RAB3C: variants seen among roughly 807,000 people sequenced by gnomAD.
RAB3C encodes the protein ras-related protein Rab-3C.
A neutral mutation model predicts 26.4 loss-of-function variants in RAB3C; 17 were observed. The ratio of observed to expected loss-of-function variants is 0.64; its 90% CI spans 0.44 to 0.97. The LOEUF is 0.97. RAB3C is among the 50% of genes least tolerant of loss of function. The probability of loss-of-function intolerance (pLI) is 0.00; values close to 1 mark genes in which losing one functional copy is unlikely to be tolerated. For synonymous variants in RAB3C, 91 were observed against 95.9 expected, an observed-to-expected ratio of 0.95 and a Z score of 0.30; for missense variants, 242 against 281.9, an observed-to-expected ratio of 0.86 and a Z score of 1.01.
chr5:58,700,970 T>TTTTATTTATTTA (rs150630099), intron 2 of RAB3C, among the ~76,000 whole-genome samples: 7 of 148,380 alleles, frequency 4.7e-5, no homozygotes, highest in African/African-American at 1.8e-4. Context: ...CTTAAAAATC[T>TTTTATTTATTTA]TTTATTTATT....
chr5:58,763,371 A>C (rs1741835774), intron 3 of RAB3C, among the ~76,000 whole-genome samples: 1 of 152,202 alleles, frequency 6.6e-6, no homozygotes, highest in African/African-American at 2.4e-5. Flanking sequence ...GTGGTATTAC[A>C]TGTTCTCTAA....
chr5:58,746,590 A>T (rs1338834457), intron 3 of RAB3C, among the ~76,000 whole-genome samples: 1 of 152,170 alleles, frequency 6.6e-6, no homozygotes, highest in African/African-American at 2.4e-5. Context: ...ATTCGGCTCC[A>T]TCTTGCATAA....
intron 2 of RAB3C, among the ~76,000 whole-genome samples, chr5:58,644,038 C>G (rs147025070): frequency 1.4e-3 from 211 of 152,202 alleles, no homozygotes; most frequent in African/African-American, 4.9e-3. Flanking sequence ...TCAGGGTGGT[C>G]TCGAACTCCT....
chr5:58,773,514 G>A (rs967650738), intron 3 of RAB3C, among the ~76,000 whole-genome samples: 10 of 152,136 alleles, frequency 6.6e-5, no homozygotes, highest in Non-Finnish European at 1.2e-4. Context: ...TGTTTGTGTG[G>A]AAAGTAGGTG....
At chr5:58,692,413 T>C (rs546875555) in intron 2 of RAB3C, among the ~76,000 whole-genome samples, 2 of 152,166 alleles carry the variant, frequency 1.3e-5, no homozygotes, top group East Asian at 3.9e-4. Flanking sequence ...GGATAGGTAA[T>C]GATATCTTTT....
At chr5:58,687,155 G>T (rs146116485) in intron 2 of RAB3C, among the ~76,000 whole-genome samples, 44 of 152,154 alleles carry the variant, frequency 2.9e-4, no homozygotes, top group African/African-American at 1.0e-3. Context: ...ATCTTCGTGA[G>T]TTGAAGCCCT....
Position 58,617,873 on chromosome 5 carries a change from A to G in RAB3C, c.252+3A>G. The G allele has an allele frequency of 6.3e-7, 1 of 1,591,912 alleles. No individual in the cohort carries two copies. The highest frequency in any genetic ancestry group is 8.6e-7 in the Non-Finnish European group (1 of 1,162,898). On this transcript the variant is annotated splice_donor_region_variant and intron_variant, in intron 2 of 4. Transcript: ENST00000282878. Reference sequence around the variant, plus strand: ...AGAGAATCAAGCTTCAGATTTGGGTAAGTGGCTTTGAACTGGCAGTGTTCT... The same window carrying G: ...AGAGAATCAAGCTTCAGATTTGGGTGAGTGGCTTTGAACTGGCAGTGTTCT...
At chr5:58,832,625 C>T (rs1158718736) in intron 4 of RAB3C, among the ~76,000 whole-genome samples, 1 of 152,156 alleles carries the variant, frequency 6.6e-6, no homozygotes, top group Non-Finnish European at 1.5e-5. Context: ...GGACTCAGTG[C>T]TAGAGGAGCT....
intron 1 of RAB3C, among the ~76,000 whole-genome samples, chr5:58,594,156 T>C (rs879889136): frequency 6.6e-6 from 1 of 152,188 alleles, no homozygotes; most frequent in Non-Finnish European, 1.5e-5. Context: ...GCTTGGATGA[T>C]AGAGAAACTT....
At position 58,766,657 on chromosome 5, in the gene RAB3C, G is replaced by A. The variant is rs117865532; in HGVS notation, c.371+40537G>A. Among the ~76,000 whole-genome samples, 268 of 152,278 alleles carry A rather than the reference G, an allele frequency of 1.8e-3. 5 individuals carry two copies. In the East Asian group the frequency reaches 0.026, roughly 15 times the overall value. ...TGGGGTGTATTGCCACCATGACTAT[G>A]TTAGTGAAGCTCAGGTGTGACCAGA... On this transcript the variant is annotated intron_variant, in intron 3 of 4. Coordinates refer to ENST00000282878, the MANE Select transcript of RAB3C (RefSeq NM_138453.4).
At chr5:58,758,904 C>T (rs964015419) in intron 3 of RAB3C, among the ~76,000 whole-genome samples, 9 of 151,816 alleles carry the variant, frequency 5.9e-5, no homozygotes, top group Non-Finnish European at 1.3e-4. Flanking sequence ...AGTTGGTTTC[C>T]AGCAGCCTCA....
intron 1 of RAB3C, among the ~76,000 whole-genome samples, chr5:58,607,077 A>C (rs1746589955): frequency 6.6e-6 from 1 of 152,208 alleles, no homozygotes; most frequent in African/African-American, 2.4e-5. Flanking sequence ...GAGTTGACAG[A>C]AGTAGGCTTC....
chr5:58,784,485 G>A (rs1221624200), intron 3 of RAB3C, among the ~76,000 whole-genome samples: 1 of 152,080 alleles, frequency 6.6e-6, no homozygotes, highest in African/African-American at 2.4e-5. Flanking sequence ...CCTATGACAC[G>A]TGGAAATTGT....
intron 3 of RAB3C, among the ~76,000 whole-genome samples, chr5:58,774,357 C>T (rs1358326814): frequency 6.6e-6 from 1 of 152,124 alleles, no homozygotes; most frequent in Non-Finnish European, 1.5e-5. Context: ...CCTCTGGGAT[C>T]ATTTATATAC....
chr5:58,729,454 C>G (rs1447443950), intron 3 of RAB3C, among the ~76,000 whole-genome samples: 2 of 151,850 alleles, frequency 1.3e-5, no homozygotes, highest in African/African-American at 2.4e-5. Flanking sequence ...CTTTCTGTCT[C>G]TACGATTTTA....
At chr5:58,726,541 G>A (rs1347520823) in intron 3 of RAB3C, among the ~76,000 whole-genome samples, 1 of 151,844 alleles carries the variant, frequency 6.6e-6, no homozygotes, top group Non-Finnish European at 1.5e-5. Context: ...CCTCACTGTT[G>A]TCTTTGACTG....
upstream of RAB3C, chr5:58,582,515 A>C (rs899271918): frequency 5.7e-6 from 3 of 529,624 alleles, no homozygotes; most frequent in African/African-American, 6.2e-5. Context: ...CGCGCGCGCG[A>C]CTTCTCAGTG....
Position 58,590,532 on chromosome 5 carries a change from C to CTTATTTAT in RAB3C, c.24+7319_24+7326dup, listed in dbSNP as rs34521886. On this transcript the variant is annotated intron_variant, in intron 1 of 4. Transcript: ENST00000282878. ...ATTCTTAAGGTATAAATTTGGTTCA[C>CTTATTTAT]TTATTTATTTATTTATTTATTTATT... Among the ~76,000 whole-genome samples, 313 of 151,426 alleles carry CTTATTTAT rather than the reference C, an allele frequency of 2.1e-3. 2 individuals carry two copies. Among genetic ancestry groups the CTTATTTAT allele is most frequent in the Non-Finnish European group, 3.7e-3 (252 of 67,774 alleles).
intron 2 of RAB3C, among the ~76,000 whole-genome samples, chr5:58,650,338 G>A (rs529500222): frequency 1.3e-5 from 2 of 152,170 alleles, no homozygotes; most frequent in Non-Finnish European, 2.9e-5. Context: ...AGAAGGAGAG[G>A]AAATAAGAGA....
Sources: gnomAD v4.1 joint callset for allele counts (sites outside exome capture counted in the v4.1 genomes callset) on GRCh38, gnomAD v4.1.1 for gene constraint, MANE v1.5 for transcripts, NCBI Gene and HGNC (gene_info 2026-07-23, HGNC 2026-07-21) for gene names.